DAAM1: variants seen among roughly 807,000 people sequenced by gnomAD.
The protein encoded by DAAM1 is dishevelled associated activator of morphogenesis 1.
In DAAM1, 52 loss-of-function variants were observed where a neutral mutation model predicts 130.0. The ratio of observed to expected loss-of-function variants is 0.40; its 90% confidence interval spans 0.32 to 0.50. DAAM1 has a LOEUF of 0.50. Ranked by LOEUF, DAAM1 falls within the 20% of genes least tolerant of loss-of-function variation. The probability of loss-of-function intolerance (pLI) is 0.61; values close to 1 mark genes in which losing one functional copy is unlikely to be tolerated. For missense variants in DAAM1, 1,134 were observed against 1,303.8 expected, an observed-to-expected ratio of 0.87 and a Z score of 2.01; for synonymous variants, 452 against 444.5, an observed-to-expected ratio of 1.02 and a Z score of -0.21.
chr14:59,276,435 C>T (rs1882972215), intron 2 of DAAM1, among the ~76,000 whole-genome samples: 1 of 152,114 alleles, frequency 6.6e-6, no homozygotes. Context: ...TGTCATGTGA[C>T]TTGAGGTCTG....
At chr14:59,345,291 G>A (rs973651903) in intron 16 of DAAM1, among the ~76,000 whole-genome samples, 18 of 152,308 alleles carry the variant, frequency 1.2e-4, no homozygotes, top group African/African-American at 2.9e-4. Flanking sequence ...CAAGAATGAC[G>A]AAAACCATCT....
chr14:59,367,006 CTGCCGGGTG>C (rs1886944139), intron 23 of DAAM1, among the ~76,000 whole-genome samples: 1 of 149,684 alleles, frequency 6.7e-6, no homozygotes, highest in Non-Finnish European at 1.5e-5. Context: ...CAAAAAAAAA[CTGCCGGGTG>C]TGGTGGCTGA....
chr14:59,302,100 G>A (rs959074168), intron 3 of DAAM1, among the ~76,000 whole-genome samples: 4 of 152,164 alleles, frequency 2.6e-5, no homozygotes, highest in African/African-American at 4.8e-5. Flanking sequence ...TGAACAGGTA[G>A]ATATACTGCA....
chr14:59,200,087 G>A (rs890230649), intron 1 of DAAM1, among the ~76,000 whole-genome samples: 6 of 152,210 alleles, frequency 3.9e-5, no homozygotes, highest in Non-Finnish European at 7.3e-5. Flanking sequence ...AAAGGTCAGT[G>A]GATTAGACCC....
chr14:59,347,629 C>T lies in DAAM1; in HGVS notation c.2160+6C>T, dbSNP rs773062362. ...CCAAGGACATGTTGGAACAGGTGAG[C>T]TACCAGATGTATCTGAGAGCAGAAG... is the stretch of plus-strand genomic sequence containing the variant. On this transcript the variant is annotated splice_donor_region_variant and intron_variant, in intron 17 of 24. Coordinates refer to ENST00000360909, the MANE Select transcript of DAAM1 (RefSeq NM_001270520.2). 3.7e-5 allele frequency: 60 copies of T among 1,613,086 alleles called. No individual in the cohort carries two copies. The highest frequency in any genetic ancestry group is 5.0e-5 in the Non-Finnish European group (59 of 1,179,426).
Position 59,326,070 on chromosome 14 carries a change from A to G in DAAM1, c.1167A>G (p.Gln389=), listed in dbSNP as rs1426631720. Residue 389 remains glutamine, a synonymous_variant, in exon 10 of 25, where the codon CAA becomes CAG. Coordinates refer to ENST00000360909, the MANE Select transcript of DAAM1 (RefSeq NM_001270520.2). ...TGTCCATCCTGCACCACTGCCTCCA[A>G]ATGCCTTGTAAGTGTGTTCGTGACT... is the stretch of plus-strand genomic sequence containing the variant. ...HFMSILHHCL[Q]MPYKRSGNTV... is the part of the protein sequence containing the mutation. 1.2e-6 allele frequency: 2 copies of G among 1,613,830 alleles called. No homozygotes were observed.
intron 1 of DAAM1, among the ~76,000 whole-genome samples, chr14:59,257,969 A>G (rs1881986252): frequency 6.6e-6 from 1 of 152,176 alleles, no homozygotes; most frequent in African/African-American, 2.4e-5. Context: ...TACTATCTGA[A>G]GGACCTGCCC....
chr14:59,360,342 A>G (rs529340050), intron 21 of DAAM1, among the ~76,000 whole-genome samples: 2 of 152,368 alleles, frequency 1.3e-5, no homozygotes, highest in South Asian at 4.1e-4. Flanking sequence ...AACTTAAGCC[A>G]TTACCTTGTA....
At chr14:59,360,017 GCT>G (rs551568420) in intron 21 of DAAM1, among the ~76,000 whole-genome samples, 277 of 152,190 alleles carry the variant, frequency 1.8e-3, no homozygotes, top group Non-Finnish European at 3.6e-3. Flanking sequence ...CCCTCTTTTG[GCT>G]CTTTTTTTAA....
intron 1 of DAAM1, among the ~76,000 whole-genome samples, chr14:59,199,081 C>T (rs1177214424): frequency 1.3e-5 from 2 of 152,138 alleles, no homozygotes; most frequent in Non-Finnish European, 2.9e-5. Context: ...CCCCAGTTTT[C>T]AGCCTTGGCT....
At chr14:59,272,990 A>G (rs1431285972) in intron 2 of DAAM1, among the ~76,000 whole-genome samples, 1 of 152,194 alleles carries the variant, frequency 6.6e-6, no homozygotes, top group African/African-American at 2.4e-5. Context: ...GCTTGCTGAT[A>G]TCTGCTGTAC....
At chr14:59,305,414 T>A (rs1159242792) in intron 3 of DAAM1, among the ~76,000 whole-genome samples, 1 of 152,228 alleles carries the variant, frequency 6.6e-6, no homozygotes, top group African/African-American at 2.4e-5. Context: ...GTTGGAGTTG[T>A]ACTGCTTGAG....
chr14:59,259,511 G>T (rs184051151), intron 1 of DAAM1, among the ~76,000 whole-genome samples: 27 of 152,194 alleles, frequency 1.8e-4, no homozygotes, highest in African/African-American at 5.3e-4. Flanking sequence ...TCTTCCTGGG[G>T]AACACTTCCC....
intron 2 of DAAM1, among the ~76,000 whole-genome samples, chr14:59,274,321 A>G (rs559315594): frequency 2.0e-5 from 3 of 152,304 alleles, no homozygotes; most frequent in Admixed American, 2.0e-4. Context: ...TATGTTATGT[A>G]TATATAACAT....
intron 3 of DAAM1, among the ~76,000 whole-genome samples, chr14:59,292,856 C>T (rs1883804683): frequency 6.6e-6 from 1 of 152,206 alleles, no homozygotes; most frequent in South Asian, 2.1e-4. Flanking sequence ...TTCCTCTCCT[C>T]TTCTGCCATT....
chr14:59,301,816 C>A (rs1312075762), intron 3 of DAAM1, among the ~76,000 whole-genome samples: 1 of 152,182 alleles, frequency 6.6e-6, no homozygotes, highest in Non-Finnish European at 1.5e-5. Flanking sequence ...AAATTTTGAG[C>A]TCGTTTCTAC....
At chr14:59,260,824 A>C (rs143940451) in intron 1 of DAAM1, among the ~76,000 whole-genome samples, 2 of 152,320 alleles carry the variant, frequency 1.3e-5, no homozygotes, top group East Asian at 3.9e-4. Context: ...CAGGATTGGT[A>C]CTTTCAGGGT....
At chr14:59,269,825 G>C (rs1014187744) in intron 2 of DAAM1, among the ~76,000 whole-genome samples, 3 of 152,152 alleles carry the variant, frequency 2.0e-5, no homozygotes, top group Non-Finnish European at 2.9e-5. Context: ...GTGCTAGAGA[G>C]TGAGAGAAGG....
rs560349716 is a variant in DAAM1, at chr14:59,322,404, C to G, written c.441-488C>G. ...GGGAATGGTGGCACGCACCTGTAGTCCCGGCTACTTGGGAGGCTGGGGTGG... is the reference window on the plus strand; with the variant it reads ...GGGAATGGTGGCACGCACCTGTAGTGCCGGCTACTTGGGAGGCTGGGGTGG... On this transcript the variant is annotated intron_variant, in intron 5 of 24. Coordinates refer to ENST00000360909, the MANE Select transcript of DAAM1 (RefSeq NM_001270520.2). Among the ~76,000 whole-genome samples the G allele has an allele frequency of 3.3e-5, 5 of 151,858 alleles. No homozygotes were observed. The East Asian group carries it at 9.7e-4, about 29-fold the overall frequency.
Sources: allele counts gnomAD v4.1 joint callset (sites outside exome capture counted in the v4.1 genomes callset), GRCh38; gene constraint gnomAD v4.1.1; transcripts MANE v1.5; gene names NCBI Gene and HGNC (gene_info 2026-07-23, HGNC 2026-07-21).